GABBR2: variants seen among roughly 807,000 people sequenced by gnomAD.
The protein encoded by GABBR2 is gamma-aminobutyric acid type B receptor subunit 2.
GABBR2 carries 23 observed loss-of-function variants against 105.6 expected under a neutral mutation model. That is an observed-to-expected ratio of 0.22 (90% CI 0.16 to 0.31). The LOEUF is 0.31. Among genes scored for constraint, GABBR2 ranks in the 10% least tolerant of loss-of-function variants. The pLI, the probability that GABBR2 is intolerant of heterozygous loss-of-function variation, is 1.00. For synonymous variants in GABBR2, 478 were observed against 499.7 expected (o/e 0.96, Z 0.58); for missense variants, 734 against 1,245.5 (o/e 0.59, Z 6.18).
intron 1 of GABBR2, among the ~76,000 whole-genome samples, chr9:98,643,103 A>G (rs769635643): frequency 1.3e-5 from 2 of 152,234 alleles, no homozygotes; most frequent in African/African-American, 2.4e-5. Flanking sequence ...AGGGACTGGA[A>G]CCAATCCAGG....
rs142372092 is a variant in GABBR2 at position 98,496,017 on chromosome 9, G to T, written c.732+396C>A. 8.4e-4 allele frequency: 164 copies of T among 194,188 alleles called. 5 individuals are homozygous for T. The South Asian group carries it at 0.02, about 24-fold the overall frequency. The allele number at this position is 194,188 out of a possible 1,614,324, so 12.0% of individuals were successfully genotyped here. On this transcript the variant is annotated intron_variant, in intron 4 of 18. Coordinates refer to ENST00000259455, the MANE Select transcript of GABBR2 (RefSeq NM_005458.8). Reference sequence around the variant, plus strand: ...TTCTGTTCCTAAAGAGAGTGTCACCGGATAGGGGTCAGGAGCCTGGGCTTT... The same window carrying T: ...TTCTGTTCCTAAAGAGAGTGTCACCTGATAGGGGTCAGGAGCCTGGGCTTT...
intron 1 of GABBR2, among the ~76,000 whole-genome samples, chr9:98,668,391 T>G (rs1412190225): frequency 1.3e-5 from 2 of 152,224 alleles, no homozygotes; most frequent in Non-Finnish European, 2.9e-5. Flanking sequence ...TTCTACCATT[T>G]TATGGGTTTT....
chr9:98,356,505 C>T (rs949900713), intron 13 of GABBR2, among the ~76,000 whole-genome samples: 2 of 152,194 alleles, frequency 1.3e-5, no homozygotes, highest in African/African-American at 2.4e-5. Flanking sequence ...AAAACACTGA[C>T]GACACCAAAT....
intron 3 of GABBR2, among the ~76,000 whole-genome samples, chr9:98,524,332 C>T (rs1304224967): frequency 1.3e-5 from 2 of 152,122 alleles, no homozygotes; most frequent in Non-Finnish European, 2.9e-5. Flanking sequence ...CTAAACCTGA[C>T]AAAGACAGCA....
intron 5 of GABBR2, among the ~76,000 whole-genome samples, 165 bp downstream of exon 5, chr9:98,480,767 G>A (rs977623433): frequency 2.6e-5 from 4 of 152,102 alleles, no homozygotes; most frequent in African/African-American, 7.2e-5. Context: ...TGGGGTTTTA[G>A]CTCCCTGGAA....
intron 13 of GABBR2, among the ~76,000 whole-genome samples, chr9:98,311,923 G>A (rs1019390165): frequency 1.3e-5 from 2 of 152,240 alleles, no homozygotes; most frequent in African/African-American, 4.8e-5. Context: ...GAAACTCTGG[G>A]AGATAATTGG....
At chr9:98,498,686 G>C (rs1203497310) in intron 3 of GABBR2, among the ~76,000 whole-genome samples, 1 of 152,228 alleles carries the variant, frequency 6.6e-6, no homozygotes, top group Non-Finnish European at 1.5e-5. Flanking sequence ...TAAAAAGAAA[G>C]ATGCTGTCAC....
At chr9:98,604,685 C>T (rs1254482663) in intron 1 of GABBR2, among the ~76,000 whole-genome samples, 3 of 152,120 alleles carry the variant, frequency 2.0e-5, no homozygotes, top group East Asian at 3.9e-4. Flanking sequence ...AATCATAATG[C>T]TGGTGAGAAA....
chr9:98,509,083 C>A (rs996175952), intron 3 of GABBR2, among the ~76,000 whole-genome samples: 1 of 152,156 alleles, frequency 6.6e-6, no homozygotes, highest in African/African-American at 2.4e-5. Flanking sequence ...TCCAGAGGAA[C>A]AATCAGGCAG....
chr9:98,483,525 T>A (rs1826976588), intron 4 of GABBR2, among the ~76,000 whole-genome samples: 1 of 152,210 alleles, frequency 6.6e-6, no homozygotes. Context: ...ATGGTAAAGA[T>A]CCTATGCAGT....
chr9:98,318,589 G>A (rs1390464539), intron 13 of GABBR2, among the ~76,000 whole-genome samples: 3 of 152,122 alleles, frequency 2.0e-5, no homozygotes, highest in African/African-American at 4.8e-5. Flanking sequence ...GGAGGGCCAC[G>A]CAATTCACCT....
At chr9:98,367,946 T>C (rs1831710724) in intron 12 of GABBR2, among the ~76,000 whole-genome samples, 1 of 152,162 alleles carries the variant, frequency 6.6e-6, no homozygotes, top group African/African-American at 2.4e-5. Context: ...TGTGGTAAAA[T>C]GCACATCAAC....
At chr9:98,557,833 T>A (rs905994856) in intron 2 of GABBR2, among the ~76,000 whole-genome samples, 9 of 152,218 alleles carry the variant, frequency 5.9e-5, no homozygotes, top group African/African-American at 2.2e-4. Flanking sequence ...AACATACTAA[T>A]TAAGTTAATA....
intron 11 of GABBR2, among the ~76,000 whole-genome samples, chr9:98,378,100 T>C (rs1444292588): frequency 6.6e-6 from 1 of 152,156 alleles, no homozygotes. Context: ...AAACCACAGA[T>C]TTATGGCCTT....
chr9:98,629,555 T>A (rs1829789684), intron 1 of GABBR2, among the ~76,000 whole-genome samples: 1 of 152,252 alleles, frequency 6.6e-6, no homozygotes, highest in African/African-American at 2.4e-5. Context: ...TAGACATTGA[T>A]GGTCTGCCAC....
At chr9:98,595,901 C>T (rs1829228141) in intron 1 of GABBR2, among the ~76,000 whole-genome samples, 1 of 152,162 alleles carries the variant, frequency 6.6e-6, no homozygotes, top group Admixed American at 6.5e-5. Context: ...AGCCACAGGT[C>T]CCCAAACCCT....
intron 1 of GABBR2, among the ~76,000 whole-genome samples, chr9:98,655,115 G>A (rs991616202): frequency 5.3e-5 from 8 of 152,120 alleles, no homozygotes; most frequent in Non-Finnish European, 1.2e-4. Context: ...GGACTTTTAG[G>A]GCCGTGAAGC....
At chr9:98,532,429 A>G (rs1828084327) in intron 3 of GABBR2, among the ~76,000 whole-genome samples, 1 of 152,246 alleles carries the variant, frequency 6.6e-6, no homozygotes, top group Non-Finnish European at 1.5e-5. Context: ...TAGTACCATT[A>G]GGATTAGAAT....
At chr9:98,695,439 C>T (rs943246780) in intron 1 of GABBR2, among the ~76,000 whole-genome samples, 1 of 152,172 alleles carries the variant, frequency 6.6e-6, no homozygotes, top group African/African-American at 2.4e-5. Flanking sequence ...TCTCAGCGCA[C>T]CTCAAATCCT....
Sources: allele counts gnomAD v4.1 joint callset (sites outside exome capture counted in the v4.1 genomes callset), GRCh38; gene constraint gnomAD v4.1.1; transcripts MANE v1.5; gene names NCBI Gene and HGNC (gene_info 2026-07-23, HGNC 2026-07-21).